DBNL: variants seen among roughly 807,000 people sequenced by gnomAD.
DBNL encodes the protein drebrin like.
Under a neutral mutation model 62.2 loss-of-function variants are expected in DBNL, and 35 were observed. That is an observed-to-expected ratio of 0.56 (90% CI 0.43 to 0.75). DBNL has a LOEUF of 0.75. Among genes scored for constraint, DBNL ranks in the 30% least tolerant of loss-of-function variants. The pLI, the probability that DBNL is intolerant of heterozygous loss-of-function variation, is 0.00. For synonymous variants in DBNL, 197 were observed against 218.0 expected (o/e 0.90, Z 0.85); for missense variants, 495 against 578.4 (o/e 0.86, Z 1.48).
chr7:44,045,181 T>C (rs1035294788), intron 1 of DBNL, among the ~76,000 whole-genome samples: 4 of 152,150 alleles, frequency 2.6e-5, no homozygotes, highest in African/African-American at 9.7e-5. Context: ...GGGACTTCCC[T>C]GGAGAAGGGG....
intron 5 of DBNL, 23 bp from the exon 6 acceptor site, chr7:44,057,759 C>G (rs746787464): frequency 6.2e-7 from 1 of 1,614,006 alleles, no homozygotes; most frequent in East Asian, 2.2e-5. Context: ...GTCCAGGTCT[C>G]TAATGAGTGC....
intron 5 of DBNL, 69 bp downstream of exon 5, chr7:44,056,972 C>T (rs1179648183): frequency 1.1e-5 from 17 of 1,595,336 alleles, no homozygotes; most frequent in South Asian, 4.4e-5. Flanking sequence ...CAGGAATATG[C>T]ACTTCCCAGC....
intron 2 of DBNL, chr7:44,051,523 C>G: frequency 4.3e-6 from 1 of 234,062 alleles, no homozygotes; most frequent in Non-Finnish European, 8.4e-6. Flanking sequence ...GTGGAAATGA[C>G]CCTGTTTTTA....
rs150336101 is a variant in DBNL, at chr7:44,057,325, G to C, written c.474+422G>C. On this transcript the variant is annotated intron_variant, in intron 5 of 12. Coordinates refer to ENST00000448521, the MANE Select transcript of DBNL (RefSeq NM_001014436.3). Reference sequence around the variant, plus strand: ...AGTCACGGGAGATACCTGTGGGCCTGTGGCCCCAGTGCTGTGTGGAGCTGA... The same window carrying C: ...AGTCACGGGAGATACCTGTGGGCCTCTGGCCCCAGTGCTGTGTGGAGCTGA... Among the ~76,000 whole-genome samples the C allele has an allele frequency of 2.0e-3, 305 of 152,326 alleles. 5 individuals carry two copies. In the Middle Eastern group the frequency reaches 0.037, roughly 19 times the overall value.
In DBNL at chr7:44,060,007, AG is replaced by A. The variant is rs2096145369; in HGVS notation, c.1048-38del. The stretch of plus-strand genomic sequence containing the variant: ...TGGGGCAGAGCAGCGATTGTGTGTA[AG>A]GGCTGAGTCTGGGGTAACACCTTTG... On this transcript the variant is annotated intron_variant, in intron 11 of 12. Transcript: ENST00000448521. The surrounding 1 kb of genome is among the most constrained non-coding windows in gnomAD (Gnocchi z 6.3). The A allele has an allele frequency of 6.3e-7, 1 of 1,588,944 alleles. No individual in the cohort carries two copies.
In DBNL at chr7:44,052,784, A is replaced by T. The variant is rs1277792146; in HGVS notation, c.253-83A>T. On this transcript the variant is annotated intron_variant, in intron 3 of 12. Transcript: ENST00000448521. Reference sequence around the variant, plus strand: ...GGGTTGCAGTTTTCTCTTTTCTGGGACACAGGGTAGATGTTGGGTCCCCAG... The same window carrying T: ...GGGTTGCAGTTTTCTCTTTTCTGGGTCACAGGGTAGATGTTGGGTCCCCAG... 2.6e-6 allele frequency: 4 copies of T among 1,533,940 alleles called. No homozygotes were observed. The Admixed American group carries it at 7.3e-5, about 28-fold the overall frequency.
Position 44,061,737 on chromosome 7 carries a change from G to A in DBNL, c.*821G>A, listed in dbSNP as rs2096149637. The stretch of plus-strand genomic sequence containing the variant: ...ACGAATTCCCAGTTTGGTCTACACA[G>A]GCTCGCAGCTCTCACCTGTCCTGCT... On this transcript the variant is annotated 3_prime_UTR_variant, in exon 13 of 13. Coordinates refer to ENST00000448521, the MANE Select transcript of DBNL (RefSeq NM_001014436.3). 1 of 152,292 alleles carries A rather than the reference G, an allele frequency of 6.6e-6. No individual in the cohort carries two copies. Among genetic ancestry groups the A allele is most frequent in the Non-Finnish European group, 1.5e-5 (1 of 68,114 alleles). 9.4% of individuals were successfully genotyped at this position (152,292 alleles called of 1,614,324 possible).
Position 44,063,260 on chromosome 7 carries a change from T to A in DBNL, c.*2344T>A. On this transcript the variant is annotated 3_prime_UTR_variant, in exon 13 of 13. Transcript: ENST00000448521. ...GAGGGTCAGGAAGGGACACTCACCC[T>A]TTGTTTTTTTTTTTTCTTTTCTTTT... is the stretch of plus-strand genomic sequence containing the variant. 2.6e-6 allele frequency: 1 copy of A among 387,606 alleles called. No individual in the cohort carries two copies. The highest frequency in any genetic ancestry group is 4.8e-6 in the Non-Finnish European group (1 of 209,218). 24.0% of individuals were successfully genotyped at this position (387,606 alleles called of 1,614,324 possible). A position where few individuals can be genotyped will look rare whatever the true frequency, so the allele number is the denominator to read the frequency against.
rs776856647 is a variant in DBNL at position 44,050,217 on chromosome 7, C to T, written c.84-8C>T. 60 of 1,613,416 alleles carry T rather than the reference C, an allele frequency of 3.7e-5. No homozygotes were observed. The highest frequency in any genetic ancestry group is 2.7e-4 in the South Asian group (25 of 91,058). Reference sequence around the variant, plus strand: ...CTGGCTACAGAGCTCACTTGTGTTTCGTTTCAGGGCTCTCTTTACCTATGA... The same window carrying T: ...CTGGCTACAGAGCTCACTTGTGTTTTGTTTCAGGGCTCTCTTTACCTATGA... On this transcript the variant is annotated splice_polypyrimidine_tract_variant and splice_region_variant and intron_variant, in intron 1 of 12. Coordinates refer to ENST00000448521, the MANE Select transcript of DBNL (RefSeq NM_001014436.3).
chr7:44,065,281 G>A lies in DBNL; in HGVS notation c.*4365G>A, dbSNP rs1339624147. On this transcript the variant is annotated 3_prime_UTR_variant, in exon 13 of 13. Transcript: ENST00000448521. ...AATGCCGCTCATTGAGGCGCCAAGT[G>A]CGCACCACAGGCAGCCACATCTGGT... 5.0e-6 allele frequency: 8 copies of A among 1,613,636 alleles called. No individual in the cohort carries two copies. Among genetic ancestry groups the A allele is most frequent in the Non-Finnish European group, 4.2e-6 (5 of 1,180,034 alleles).
In DBNL at chr7:44,060,122, C is replaced by A; in HGVS notation, c.1122C>A (p.Leu374=). The A allele has an allele frequency of 6.2e-7, 1 of 1,613,462 alleles. No individual in the cohort carries two copies. The highest frequency in any genetic ancestry group is 8.5e-7 in the Non-Finnish European group (1 of 1,179,808). ...GCCAGGGGCTCAGTGGGCAAGGGCT[C>A]TGTGCCCGTGCCCTGTACGACTACC... ...IQGQGLSGQG[L]CARALYDYQA... Residue 374 remains leucine (L), a synonymous_variant, in exon 12 of 13, where the codon CTC becomes CTA. Coordinates refer to ENST00000448521, the MANE Select transcript of DBNL (RefSeq NM_001014436.3). The surrounding 1 kb of genome is among the most constrained non-coding windows in gnomAD (Gnocchi z 6.3).
chr7:44,059,308 G>C lies in DBNL; in HGVS notation c.836-46G>C, dbSNP rs5006232. 95,311 of 1,592,224 alleles carry C rather than the reference G, an allele frequency of 0.06. 3,223 individuals carry two copies. The highest frequency in any genetic ancestry group is 0.066 in the Non-Finnish European group (77,090 of 1,162,886). ...AGGGTGCTGTGGGGTGCGTGGGTGT[G>C]TGGTGGTGTTTCTGAAGTGATGTAT... is the stretch of plus-strand genomic sequence containing the variant. On this transcript the variant is annotated intron_variant, in intron 9 of 12. Transcript: ENST00000448521. This position sits in a 1 kb window ranked among gnomAD's most constrained non-coding sequence, Gnocchi z 4.1.
In DBNL at chr7:44,059,742, G is replaced by A. The variant is rs575227856; in HGVS notation, c.1047+84G>A. 8 of 1,307,736 alleles carry A rather than the reference G, an allele frequency of 6.1e-6. No homozygotes were observed. The highest frequency in any genetic ancestry group is 1.5e-5 in the African/African-American group (1 of 68,118). The allele number at this position is 1,307,736 out of a possible 1,614,324, so 81.0% of individuals were successfully genotyped here. A position where few individuals can be genotyped will look rare whatever the true frequency, so the allele number is the denominator to read the frequency against. On this transcript the variant is annotated intron_variant, in intron 11 of 12. Coordinates refer to ENST00000448521, the MANE Select transcript of DBNL (RefSeq NM_001014436.3). This position sits in a 1 kb window ranked among gnomAD's most constrained non-coding sequence, Gnocchi z 4.1. ...CACGGGCCGCCTGAGTTTTCTGGGG[G>A]CATGCAACAGGTTTTAAAGCACATG...
In DBNL at chr7:44,049,346, T is replaced by A. The variant is rs1282180519; in HGVS notation, c.84-879T>A. Among the ~76,000 whole-genome samples the A allele has an allele frequency of 6.6e-5, 10 of 152,126 alleles. 1 individual carries two copies. The highest frequency in any genetic ancestry group is 6.5e-4 in the Admixed American group (10 of 15,276). On this transcript the variant is annotated intron_variant, in intron 1 of 12. Coordinates refer to ENST00000448521, the MANE Select transcript of DBNL (RefSeq NM_001014436.3). ...TGATTTTTTGTATTTTTAGTAGAGATGGGATTTCACCGTGTTAGCCAGAAT... is the reference window on the plus strand; with the variant it reads ...TGATTTTTTGTATTTTTAGTAGAGAAGGGATTTCACCGTGTTAGCCAGAAT...
intron 1 of DBNL, among the ~76,000 whole-genome samples, chr7:44,048,314 A>C (rs1296300578): frequency 6.6e-6 from 1 of 152,198 alleles, no homozygotes; most frequent in Non-Finnish European, 1.5e-5. Flanking sequence ...TGTGGCCATC[A>C]AGAGGAATGG....
At position 44,061,161 on chromosome 7, in the gene DBNL, C is replaced by G. The variant is rs1156353549; in HGVS notation, c.*245C>G. On this transcript the variant is annotated 3_prime_UTR_variant, in exon 13 of 13. Transcript: ENST00000448521. ...CAGACAGCTTGGCTCTTGCCCCTGACAGGATACTGAGCCAAGCCCTGCCTG... is the reference window on the plus strand; with the variant it reads ...CAGACAGCTTGGCTCTTGCCCCTGAGAGGATACTGAGCCAAGCCCTGCCTG... The G allele has an allele frequency of 3.7e-6, 2 of 544,360 alleles. No individual in the cohort carries two copies. The highest frequency in any genetic ancestry group is 3.5e-5 in the East Asian group (1 of 28,372). The allele number at this position is 544,360 out of a possible 1,614,324, so 33.7% of individuals were successfully genotyped here. A position where few individuals can be genotyped will look rare whatever the true frequency, so the allele number is the denominator to read the frequency against.
Position 44,062,832 on chromosome 7 carries a change from A to G in DBNL, c.*1916A>G. The G allele has an allele frequency of 6.2e-7, 1 of 1,614,162 alleles. No homozygotes were observed. The highest frequency in any genetic ancestry group is 8.5e-7 in the Non-Finnish European group (1 of 1,180,014). On this transcript the variant is annotated 3_prime_UTR_variant, in exon 13 of 13. Transcript: ENST00000448521. Reference sequence around the variant, plus strand: ...CGCACCGTTTCCTCATCACCCAGGAACTGCATGGGCTTGGTGGGCTTCAGC... The same window carrying G: ...CGCACCGTTTCCTCATCACCCAGGAGCTGCATGGGCTTGGTGGGCTTCAGC...
chr7:44,065,973 GA>G lies in DBNL; in HGVS notation c.*5058del. 3.5e-6 allele frequency: 1 copy of G among 289,510 alleles called. No homozygotes were observed. The highest frequency in any genetic ancestry group is 6.8e-6 in the Non-Finnish European group (1 of 146,494). The allele number at this position is 289,510 out of a possible 1,614,324, so 17.9% of individuals were successfully genotyped here. ...CAAAATCCCAACCCCTTTCTCCTGT[GA>G]TTGGCAGCCAGGCTAGGAGGCGGCC... is the stretch of plus-strand genomic sequence containing the variant. On this transcript the variant is annotated 3_prime_UTR_variant, in exon 13 of 13. Transcript: ENST00000448521.
intron 6 of DBNL, 106 bp from the exon 7 acceptor site, chr7:44,058,023 T>G: frequency 6.6e-7 from 1 of 1,520,738 alleles, no homozygotes; most frequent in South Asian, 1.3e-5. Context: ...AATGATCGAC[T>G]GGCTCTGGTG....
Sources: allele counts gnomAD v4.1 joint callset (sites outside exome capture counted in the v4.1 genomes callset), GRCh38; gene constraint gnomAD v4.1.1; non-coding constraint Gnocchi (gnomAD v3.1); transcripts MANE v1.5; gene names NCBI Gene and HGNC (gene_info 2026-07-23, HGNC 2026-07-21).